The following ANKRD62 variants were observed in gnomAD, a reference collection of about 807,000 sequenced individuals.
The protein encoded by ANKRD62 is ankyrin repeat domain-containing protein 62.
In ANKRD62, 61 loss-of-function variants were observed where a neutral mutation model predicts 98.8. That is an observed-to-expected ratio of 0.62 (90% CI 0.50 to 0.76). The LOEUF (loss-of-function observed/expected upper bound fraction) is 0.76. Ranked by LOEUF, ANKRD62 falls within the 30% of genes least tolerant of loss-of-function variation. The pLI, the probability that ANKRD62 is intolerant of heterozygous loss-of-function variation, is 0.00. For missense variants in ANKRD62, 933 were observed against 1,082.9 expected, an observed-to-expected ratio of 0.86 and a Z score of 1.94; for synonymous variants, 341 against 367.9, an observed-to-expected ratio of 0.93 and a Z score of 0.84.
At chr18:12,118,841 A>T (rs535812455) in intron 10 of ANKRD62, among the ~76,000 whole-genome samples, 21 of 142,028 alleles carry the variant, frequency 1.5e-4, no homozygotes, top group African/African-American at 5.3e-4. Flanking sequence ...CACGCTCATG[A>T]GGGAGTTTTT....
intron 10 of ANKRD62, among the ~76,000 whole-genome samples, chr18:12,116,079 A>T (rs1216776236): frequency 2.6e-5 from 4 of 152,140 alleles, no homozygotes; most frequent in Non-Finnish European, 4.4e-5. Context: ...TCCTACAATC[A>T]GTAGCTTCAG....
the ANKRD62 span, among the ~76,000 whole-genome samples, chr18:12,167,453 A>G: frequency 2.0e-5 from 3 of 152,194 alleles, no homozygotes; most frequent in African/African-American, 7.2e-5. Flanking sequence ...TGTCGCTACA[A>G]AGGACATGAA....
At chr18:12,125,332 A>G (rs1909864639) in intron 12 of ANKRD62, 128 bp from the exon 13 acceptor site, 1 of 876,872 alleles carries the variant, frequency 1.1e-6, no homozygotes, top group African/African-American at 1.8e-5. Flanking sequence ...TTTTTTTTCC[A>G]GTTGGATATC....
the ANKRD62 span, among the ~76,000 whole-genome samples, chr18:12,163,967 T>C: frequency 1.3e-5 from 2 of 152,082 alleles, no homozygotes; most frequent in African/African-American, 4.8e-5. Flanking sequence ...TATTGTCCTA[T>C]AGTTTTGTTT....
At chr18:12,124,935 T>A (rs1433331362) in intron 12 of ANKRD62, among the ~76,000 whole-genome samples, 2 of 152,166 alleles carry the variant, frequency 1.3e-5, no homozygotes, top group African/African-American at 4.8e-5. Flanking sequence ...GATCTGTCAT[T>A]TATCAATACA....
chr18:12,135,198 C>A, the ANKRD62 span, among the ~76,000 whole-genome samples: 1 of 118,132 alleles, frequency 8.5e-6, no homozygotes, highest in South Asian at 3.5e-4. Flanking sequence ...CCCCCTCCCC[C>A]CACCCCACAA....
chr18:12,131,759 G>GTA (rs1344472823), downstream of ANKRD62, among the ~76,000 whole-genome samples: 2 of 151,292 alleles, frequency 1.3e-5, no homozygotes, highest in African/African-American at 2.4e-5. Context: ...GTGTGTGTGT[G>GTA]TATGTGTTTT....
chr18:12,153,435 T>C, the ANKRD62 span, among the ~76,000 whole-genome samples: 1 of 150,844 alleles, frequency 6.6e-6, no homozygotes, highest in Non-Finnish European at 1.5e-5. Flanking sequence ...CTACTAAAAA[T>C]ACAAAAATTA....
chr18:12,168,729 A>G, the ANKRD62 span, among the ~76,000 whole-genome samples: 1 of 148,826 alleles, frequency 6.7e-6, no homozygotes, highest in East Asian at 1.9e-4. Flanking sequence ...CTTGGGCAGT[A>G]TGGCCATTTT....
downstream of ANKRD62, among the ~76,000 whole-genome samples, chr18:12,134,762 A>C (rs529641847): frequency 2.0e-5 from 3 of 152,046 alleles, no homozygotes; most frequent in East Asian, 5.8e-4. Context: ...ATTTTCTTAA[A>C]CCAGTCTATC....
chr18:12,130,210 TAAC>T (rs1440779839), downstream of ANKRD62, among the ~76,000 whole-genome samples: 3 of 150,366 alleles, frequency 2.0e-5, no homozygotes, highest in Non-Finnish European at 3.0e-5. Flanking sequence ...GGTAAAAAAA[TAAC>T]AACAGTTTCT....
At chr18:12,152,388 C>T in the ANKRD62 span, among the ~76,000 whole-genome samples, 16 of 152,134 alleles carry the variant, frequency 1.1e-4, no homozygotes, top group Non-Finnish European at 1.9e-4. Flanking sequence ...TAATCCACCA[C>T]GATCAAGTAG....
the ANKRD62 span, among the ~76,000 whole-genome samples, chr18:12,156,779 T>C: frequency 6.6e-6 from 1 of 152,198 alleles, no homozygotes; most frequent in East Asian, 1.9e-4. Context: ...AAATATCCTA[T>C]ATTAATTTTT....
At chr18:12,116,344 A>G (rs1909664730) in intron 10 of ANKRD62, among the ~76,000 whole-genome samples, 1 of 152,350 alleles carries the variant, frequency 6.6e-6, no homozygotes, top group African/African-American at 2.4e-5. Flanking sequence ...TAAGTATTGC[A>G]GTATTTATTT....
chr18:12,141,443 C>A, the ANKRD62 span, among the ~76,000 whole-genome samples: 13 of 152,348 alleles, frequency 8.5e-5, no homozygotes, highest in African/African-American at 2.9e-4. Context: ...ACACTGGGAG[C>A]TGTAGACTTT....
At chr18:12,154,339 A>G in the ANKRD62 span, among the ~76,000 whole-genome samples, 5 of 152,208 alleles carry the variant, frequency 3.3e-5, no homozygotes, top group Admixed American at 3.3e-4. Flanking sequence ...ACAGGCATAT[A>G]AGAAAAACCC....
At chr18:12,127,077 CAAAA>C (rs749311838) in intron 13 of ANKRD62, among the ~76,000 whole-genome samples, 55 of 152,256 alleles carry the variant, frequency 3.6e-4, no homozygotes, top group Non-Finnish European at 7.5e-4. Context: ...ATTTTTCAGT[CAAAA>C]ATGTGGTCAT....
chr18:12,115,242 A>C, intron 9 of ANKRD62, 121 bp downstream of exon 9: 2 of 1,283,272 alleles, frequency 1.6e-6, no homozygotes, highest in Middle Eastern at 1.9e-4. Context: ...GTAACCATTC[A>C]TAAAAGCACC....
the ANKRD62 span, among the ~76,000 whole-genome samples, chr18:12,152,554 A>G: frequency 6.6e-6 from 1 of 152,198 alleles, no homozygotes; most frequent in Non-Finnish European, 1.5e-5. Context: ...AAAAACTCTC[A>G]ATGAACTGAT....
Sources: gnomAD v4.1 joint callset for allele counts (sites outside exome capture counted in the v4.1 genomes callset) on GRCh38, gnomAD v4.1.1 for gene constraint, MANE v1.5 for transcripts, NCBI Gene and HGNC (gene_info 2026-07-23, HGNC 2026-07-21) for gene names.